Variants in AGTR1 observed in about 807,000 individuals in gnomAD.
The protein encoded by AGTR1 is type-1 angiotensin II receptor.
A neutral mutation model predicts 19.4 loss-of-function variants in AGTR1; 16 were observed. The ratio of observed to expected loss-of-function variants is 0.82; its 90% CI spans 0.56 to 1.25. AGTR1 has a LOEUF of 1.25. AGTR1 is among the 50% of genes most tolerant of loss of function. The pLI is 0.00. For missense variants in AGTR1, 373 were observed against 431.9 expected (o/e 0.86, Z 1.21); for synonymous variants, 153 against 154.9 (o/e 0.99, Z 0.09).
rs1576540970 is a variant in AGTR1, at chr3:148,739,894, C to T, written c.-47-1095C>T. ...CTGTGTGCCCAGCACCACTGCCCAC[C>T]TAGCTGTCCTGGCCTGTGCCCAATG... On this transcript the variant is annotated intron_variant, in intron 2 of 2. Coordinates refer to ENST00000349243, the MANE Select transcript of AGTR1 (RefSeq NM_000685.5). 6.5e-6 allele frequency: 8 copies of T among 1,231,978 alleles called. No individual in the cohort carries two copies. In the East Asian group the frequency reaches 2.5e-4, roughly 39 times the overall value. 76.3% of individuals were successfully genotyped at this position (1,231,978 alleles called of 1,614,324 possible).
chr3:148,730,550 TAAATG>T (rs1337322357), intron 2 of AGTR1: 2 of 220,782 alleles, frequency 9.1e-6, no homozygotes, highest in Non-Finnish European at 1.8e-5. Flanking sequence ...TCATAAATGT[TAAATG>T]AAAACATTTT....
intron 1 of AGTR1, among the ~76,000 whole-genome samples, chr3:148,703,156 T>G (rs946223324): frequency 1.3e-5 from 2 of 152,172 alleles, no homozygotes; most frequent in Non-Finnish European, 2.9e-5. Flanking sequence ...ATCTGTACAT[T>G]TCATCCACAC....
At chr3:148,714,787 A>C (rs4681444) in intron 2 of AGTR1, among the ~76,000 whole-genome samples, 43,989 of 151,998 alleles carry the variant, frequency 0.29, 9,432 homozygotes, top group African/African-American at 0.61. Context: ...ACTCAGCTAC[A>C]TTATTTGGTG....
At position 148,720,674 on chromosome 3, in the gene AGTR1, C is replaced by CCT. The variant is rs761926631; in HGVS notation, c.-48+12647_-48+12648insCT. ...CTCGTACCGGTTTGGCCTAAATAAA[C>CCT]ATGCAATAAAAAAGCCATAGGATTT... On this transcript the variant is annotated intron_variant, in intron 2 of 2. Transcript: ENST00000349243. 7.1e-4 allele frequency among the ~76,000 whole-genome samples: 108 copies of CCT among 151,362 alleles called. 1 individual carries two copies. Among genetic ancestry groups the CCT allele is most frequent in the Non-Finnish European group, 1.6e-4 (11 of 67,992 alleles).
At chr3:148,722,199 A>G (rs1051585818) in intron 2 of AGTR1, among the ~76,000 whole-genome samples, 2 of 152,220 alleles carry the variant, frequency 1.3e-5, no homozygotes, top group African/African-American at 2.4e-5. Context: ...AAAAAAATGA[A>G]TAGAAACAGA....
Position 148,701,695 on chromosome 3 carries a change from T to C in AGTR1, c.-132+3568T>C, listed in dbSNP as rs12721220. Among the ~76,000 whole-genome samples, 262 of 152,306 alleles carry C rather than the reference T, an allele frequency of 1.7e-3. 1 individual carries two copies. Among genetic ancestry groups the C allele is most frequent in the Middle Eastern group, 6.8e-3 (2 of 294 alleles). On this transcript the variant is annotated intron_variant, in intron 1 of 2. Transcript: ENST00000349243. ...GTAATTTTTTTAACATTTAAAAGTTTGGAAAATGGGTAAAAAATGAGTGTG... is the reference window on the plus strand; with the variant it reads ...GTAATTTTTTTAACATTTAAAAGTTCGGAAAATGGGTAAAAAATGAGTGTG...
chr3:148,707,457 AAAG>A (rs1177674611), intron 1 of AGTR1, among the ~76,000 whole-genome samples: 1 of 152,180 alleles, frequency 6.6e-6, no homozygotes, highest in East Asian at 1.9e-4. Context: ...CTTCTGGGAA[AAAG>A]AAAAACAGAA....
chr3:148,714,283 T>C (rs1468231760), intron 2 of AGTR1, among the ~76,000 whole-genome samples: 1 of 152,042 alleles, frequency 6.6e-6, no homozygotes, highest in Non-Finnish European at 1.5e-5. Flanking sequence ...TTATAATATG[T>C]TGGATGGCAT....
chr3:148,701,514 A>G (rs1420462308), intron 1 of AGTR1, among the ~76,000 whole-genome samples: 2 of 152,210 alleles, frequency 1.3e-5, no homozygotes, highest in African/African-American at 4.8e-5. Context: ...TTAATTTAGA[A>G]GGGTTTGAAT....
chr3:148,726,353 T>C (rs1011765905), intron 2 of AGTR1, among the ~76,000 whole-genome samples: 1 of 151,956 alleles, frequency 6.6e-6, no homozygotes, highest in Non-Finnish European at 1.5e-5. Context: ...GGATTACAGG[T>C]GCATGCCACC....
chr3:148,740,626 C>G (rs889618748), intron 2 of AGTR1, among the ~76,000 whole-genome samples: 1 of 152,270 alleles, frequency 6.6e-6, no homozygotes, highest in East Asian at 1.9e-4. Context: ...TCAAGTCTTT[C>G]TGAAAAACTA....
intron 2 of AGTR1, among the ~76,000 whole-genome samples, chr3:148,712,295 T>G (rs1270812025): frequency 6.6e-6 from 1 of 152,132 alleles, no homozygotes; most frequent in Non-Finnish European, 1.5e-5. Flanking sequence ...AAAATAATTA[T>G]TTATCTGAAA....
intron 2 of AGTR1, among the ~76,000 whole-genome samples, chr3:148,718,170 C>A (rs1412597101): frequency 6.6e-6 from 1 of 152,204 alleles, no homozygotes; most frequent in Non-Finnish European, 1.5e-5. Flanking sequence ...CCTAGTATTA[C>A]ACCTTGCCTG....
At chr3:148,722,914 C>T (rs1338994897) in intron 2 of AGTR1, among the ~76,000 whole-genome samples, 2 of 152,300 alleles carry the variant, frequency 1.3e-5, no homozygotes, top group African/African-American at 4.8e-5. Context: ...TCCAGCCAAC[C>T]AAGCAATTAA....
intron 1 of AGTR1, among the ~76,000 whole-genome samples, chr3:148,701,082 A>G (rs929349780): frequency 3.9e-5 from 6 of 152,248 alleles, no homozygotes; most frequent in Non-Finnish European, 7.3e-5. Context: ...GCCATCTTAA[A>G]TCAAGGAATA....
intron 1 of AGTR1, among the ~76,000 whole-genome samples, chr3:148,707,352 A>G (rs1482030184): frequency 6.6e-6 from 1 of 152,184 alleles, no homozygotes; most frequent in Non-Finnish European, 1.5e-5. Flanking sequence ...ACCTCTGGGA[A>G]GTAAATGCAG....
At chr3:148,720,978 G>A (rs1425258623) in intron 2 of AGTR1, among the ~76,000 whole-genome samples, 1 of 152,156 alleles carries the variant, frequency 6.6e-6, no homozygotes, top group African/African-American at 2.4e-5. Context: ...TTTGTTGGTG[G>A]TGCTATAATC....
At chr3:148,705,282 C>T (rs1712605643) in intron 1 of AGTR1, among the ~76,000 whole-genome samples, 1 of 152,102 alleles carries the variant, frequency 6.6e-6, no homozygotes. Flanking sequence ...ATTTCATATA[C>T]TTAACAACTT....
intron 2 of AGTR1, among the ~76,000 whole-genome samples, chr3:148,728,478 T>C (rs1169954428): frequency 2.6e-5 from 4 of 152,246 alleles, no homozygotes; most frequent in Admixed American, 6.5e-5. Flanking sequence ...GCTGAAAAGA[T>C]TGAATTGACA....
Sources: gnomAD v4.1 joint callset for allele counts (sites outside exome capture counted in the v4.1 genomes callset) on GRCh38, gnomAD v4.1.1 for gene constraint, MANE v1.5 for transcripts, NCBI Gene and HGNC (gene_info 2026-07-23, HGNC 2026-07-21) for gene names.